Variants in CDHR2 observed in about 807,000 individuals in gnomAD.
The protein encoded by CDHR2 is cadherin related family member 2.
A neutral mutation model predicts 138.6 loss-of-function variants in CDHR2; 104 were observed. That is an observed-to-expected ratio of 0.75 (90% CI 0.64 to 0.88). The LOEUF is 0.88. Among genes scored for constraint, CDHR2 ranks in the 40% least tolerant of loss-of-function variants. The pLI, the probability that CDHR2 is intolerant of heterozygous loss-of-function variation, is 0.00. For synonymous variants in CDHR2, 755 were observed against 742.8 expected, an observed-to-expected ratio of 1.02 and a Z score of -0.27; for missense variants, 1,624 against 1,727.6, an observed-to-expected ratio of 0.94 and a Z score of 1.06.
At position 176,590,493 on chromosome 5, in the gene CDHR2, C is replaced by A; in HGVS notation, c.3414+8C>A. 6.2e-7 allele frequency: 1 copy of A among 1,613,852 alleles called. No homozygotes were observed. Among genetic ancestry groups the A allele is most frequent in the South Asian group, 1.1e-5 (1 of 91,074 alleles). ...CTGGGGCTGGTGGTGCTGGTGAGTG[C>A]GGGCAGGGCGGGGCAGCAGGTGGGG... On this transcript the variant is annotated splice_region_variant and intron_variant, in intron 27 of 31. Coordinates refer to ENST00000261944, the MANE Select transcript of CDHR2 (RefSeq NM_017675.6).
Position 176,553,686 on chromosome 5 carries a change from G to A in CDHR2, c.-16+4272G>A, listed in dbSNP as rs139684632. Among the ~76,000 whole-genome samples, 123 of 152,150 alleles carry A rather than the reference G, an allele frequency of 8.1e-4. No individual in the cohort carries two copies. Among genetic ancestry groups the A allele is most frequent in the Middle Eastern group, 3.4e-3 (1 of 294 alleles). On this transcript the variant is annotated intron_variant, in intron 1 of 31. Transcript: ENST00000261944. This position sits in a 1 kb window ranked among gnomAD's most constrained non-coding sequence, Gnocchi z 4.3. Reference sequence around the variant, plus strand: ...TGGACACCTGCAGTCTAGCAGTACCGCTAATGCCCAGCTCACCTGCGTCTC... The same window carrying A: ...TGGACACCTGCAGTCTAGCAGTACCACTAATGCCCAGCTCACCTGCGTCTC...
chr5:176,559,917 G>C (rs935933656), intron 1 of CDHR2, among the ~76,000 whole-genome samples: 2 of 152,130 alleles, frequency 1.3e-5, no homozygotes, highest in Non-Finnish European at 2.9e-5. Context: ...AGGAAATATC[G>C]GCTTCGTATG....
chr5:176,579,238 A>G (rs762207367), intron 16 of CDHR2, among the ~76,000 whole-genome samples: 35 of 152,206 alleles, frequency 2.3e-4, no homozygotes, highest in Non-Finnish European at 3.7e-4. Context: ...CAGAGTGACA[A>G]TCTGGTGGCC....
rs1366691106 is a variant in CDHR2, at chr5:176,584,645, T to C, written c.2364T>C (p.Gly788=). 1 of 1,611,680 alleles carries C rather than the reference T, an allele frequency of 6.2e-7. No homozygotes were observed. The highest frequency in any genetic ancestry group is 8.5e-7 in the Non-Finnish European group (1 of 1,178,512). ...VSAENPDPQG[G]ETIVDVCVNV... is the part of the protein sequence containing the mutation. Reference sequence around the variant, plus strand: ...CTGAGAACCCAGACCCCCAGGGGGGTGAGACCATAGTAGACGTCTGCGTGA... The same window carrying C: ...CTGAGAACCCAGACCCCCAGGGGGGCGAGACCATAGTAGACGTCTGCGTGA... The change falls in exon 19 of 32, where the codon GGT becomes GGC. Residue 788 remains glycine, a synonymous_variant. Coordinates refer to ENST00000261944, the MANE Select transcript of CDHR2 (RefSeq NM_017675.6).
intron 25 of CDHR2, 42 bp from the exon 26 acceptor site, chr5:176,590,211 G>A (rs751403698): frequency 6.2e-7 from 1 of 1,611,470 alleles, no homozygotes; most frequent in Non-Finnish European, 8.5e-7. Context: ...GGGCCTGCTG[G>A]GTGATCCAGG....
intron 6 of CDHR2, among the ~76,000 whole-genome samples, chr5:176,572,809 C>A (rs1422498840): frequency 6.6e-6 from 1 of 152,338 alleles, no homozygotes; most frequent in East Asian, 1.9e-4. Context: ...TGCCTCAGCA[C>A]CCGGCACTGT....
chr5:176,581,114 G>A (rs543173097), intron 16 of CDHR2, among the ~76,000 whole-genome samples: 13 of 152,264 alleles, frequency 8.5e-5, no homozygotes, highest in East Asian at 1.9e-4. Context: ...CACAGTGGCC[G>A]TTTGTGAGAT....
At chr5:176,592,837 G>T in intron 31 of CDHR2, 57 bp downstream of exon 31, 1 of 1,472,318 alleles carries the variant, frequency 6.8e-7, no homozygotes, top group Non-Finnish European at 9.5e-7. Context: ...TTCTGTGGAG[G>T]CTTCAGGGCA....
intron 19 of CDHR2, among the ~76,000 whole-genome samples, chr5:176,585,603 C>T (rs1229410900): frequency 6.6e-6 from 1 of 152,166 alleles, no homozygotes; most frequent in Admixed American, 6.5e-5. Flanking sequence ...TAGGCTGGGC[C>T]CAATCCTGGC....
Position 176,585,981 on chromosome 5 carries a change from T to C in CDHR2, c.2762T>C (p.Val921Ala). The C allele has an allele frequency of 2.5e-6, 4 of 1,614,076 alleles. No individual in the cohort carries two copies. Among genetic ancestry groups the C allele is most frequent in the Non-Finnish European group, 3.4e-6 (4 of 1,179,968 alleles). ...NGSLLITIED[V>A]NDNAPYFLPE... ...AGCCTCCTCATTACCATTGAGGACG[T>C]GAATGACAATGCACCCTATTTTCTG... Residue 921 changes from valine to alanine, a missense_variant, in exon 20 of 32, where the codon GTG becomes GCG. Transcript: ENST00000261944.
intron 6 of CDHR2, among the ~76,000 whole-genome samples, chr5:176,573,537 C>T (rs1360471035): frequency 6.6e-6 from 1 of 151,680 alleles, no homozygotes; most frequent in Non-Finnish European, 1.5e-5. Flanking sequence ...ATCCCACCTA[C>T]TGGGGAGGCT....
Position 176,576,366 on chromosome 5 carries a change from G to A in CDHR2, c.1194+181G>A, listed in dbSNP as rs3762967. On this transcript the variant is annotated intron_variant, in intron 12 of 31. Transcript: ENST00000261944. The surrounding 1 kb of genome is among the most constrained non-coding windows in gnomAD (Gnocchi z 4.5). ...TGTTGGTAAGCAGTATCATCCTCTG[G>A]GCGATCCGTGTGGGGCTGAATAGAA... Among the ~76,000 whole-genome samples the A allele has an allele frequency of 0.23, 35,134 of 151,842 alleles. 4,241 individuals carry two copies. The highest frequency in any genetic ancestry group is 0.47 in the East Asian group (2,414 of 5,118).
At chr5:176,564,346 C>T (rs1018790057) in intron 1 of CDHR2, among the ~76,000 whole-genome samples, 2 of 152,194 alleles carry the variant, frequency 1.3e-5, no homozygotes, top group Non-Finnish European at 1.5e-5. Flanking sequence ...CCACCATGCC[C>T]GGCTAACGTT....
intron 17 of CDHR2, among the ~76,000 whole-genome samples, chr5:176,583,781 T>A (rs1386972523): frequency 6.6e-6 from 1 of 152,182 alleles, no homozygotes; most frequent in African/African-American, 2.4e-5. Context: ...AGTGTGGGCC[T>A]TGGAGCCTTT....
At chr5:176,573,384 A>G (rs1033462805) in intron 6 of CDHR2, among the ~76,000 whole-genome samples, 20 of 152,268 alleles carry the variant, frequency 1.3e-4, no homozygotes, top group Middle Eastern at 3.4e-3. Flanking sequence ...TCACACCTAT[A>G]ATCCTAGCAC....
chr5:176,573,957 G>C (rs1401170257), intron 6 of CDHR2, 126 bp from the exon 7 acceptor site: 1 of 691,990 alleles, frequency 1.4e-6, no homozygotes. Context: ...GCCCTGGTGG[G>C]AAGGACAGGG....
rs1757755559 is a variant in CDHR2, at chr5:176,553,514, T to TA, written c.-16+4101dup. ...TCTTGATACCTGCTGGCTGCACACCTAGTGACTAATTGTCCCGTGGCAGTT... is the reference window on the plus strand; with the variant it reads ...TCTTGATACCTGCTGGCTGCACACCTAAGTGACTAATTGTCCCGTGGCAGTT... On this transcript the variant is annotated intron_variant, in intron 1 of 31. Transcript: ENST00000261944. The surrounding 1 kb of genome is among the most constrained non-coding windows in gnomAD (Gnocchi z 4.3). 6.6e-6 allele frequency among the ~76,000 whole-genome samples: 1 copy of TA among 152,136 alleles called. No homozygotes were observed. Among genetic ancestry groups the TA allele is most frequent in the Non-Finnish European group, 1.5e-5 (1 of 68,014 alleles).
chr5:176,577,991 G>A (rs1758436829), intron 14 of CDHR2, 43 bp from the exon 15 acceptor site: 1 of 1,579,422 alleles, frequency 6.3e-7, no homozygotes, highest in Admixed American at 1.7e-5. Flanking sequence ...GGCGGTGCGT[G>A]CATCGCCTCC....
At chr5:176,573,787 G>A (rs989337570) in intron 6 of CDHR2, among the ~76,000 whole-genome samples, 5 of 152,182 alleles carry the variant, frequency 3.3e-5, no homozygotes, top group African/African-American at 1.2e-4. Context: ...GTCTGAGTGC[G>A]CAGTGGCACA....
Sources: allele counts gnomAD v4.1 joint callset (sites outside exome capture counted in the v4.1 genomes callset), GRCh38; gene constraint gnomAD v4.1.1; non-coding constraint Gnocchi (gnomAD v3.1); transcripts MANE v1.5; gene names NCBI Gene and HGNC (gene_info 2026-07-23, HGNC 2026-07-21).